Variants in ANKRD45 observed in about 807,000 individuals in gnomAD.
ANKRD45 encodes ankyrin repeat domain 45.
In ANKRD45, 21 loss-of-function variants were observed where a neutral mutation model predicts 28.1. That is an observed-to-expected ratio of 0.75 (90% CI 0.53 to 1.08). ANKRD45 has a LOEUF of 1.08. Ranked by LOEUF, ANKRD45 falls within the 50% of genes least tolerant of loss-of-function variation. The probability of loss-of-function intolerance (pLI) is 0.00; values close to 1 mark genes in which losing one functional copy is unlikely to be tolerated. For synonymous variants in ANKRD45, 86 were observed against 103.9 expected, an observed-to-expected ratio of 0.83 and a Z score of 1.05; for missense variants, 261 against 308.7, an observed-to-expected ratio of 0.85 and a Z score of 1.16.
At chr1:173,659,546 T>C in intron 1 of ANKRD45, 113 bp from the exon 2 acceptor site, 1 of 940,960 alleles carries the variant, frequency 1.1e-6, no homozygotes, top group African/African-American at 1.7e-5. Context: ...ACTTAACTAT[T>C]TGAAAATAAC....
At chr1:173,635,324 A>T (rs969371568) in intron 3 of ANKRD45, 7 of 544,162 alleles carry the variant, frequency 1.3e-5, no homozygotes, top group African/African-American at 1.1e-4. Context: ...TCATCACTGT[A>T]TCCTTTGCTG....
rs116786886 is a variant in ANKRD45 at position 173,634,868 on chromosome 1, T to C, written c.497-7709A>G. ...TCACCCCTCACCCACTACCTGATAG[T>C]ACCACATCACCACCACAGGAATATA... On this transcript the variant is annotated intron_variant, in intron 3 of 5. Transcript: ENST00000333279. Among the ~76,000 whole-genome samples, 1,087 of 152,058 alleles carry C rather than the reference T, an allele frequency of 7.1e-3. 11 individuals carry two copies. Among genetic ancestry groups the C allele is most frequent in the African/African-American group, 0.023 (969 of 41,548 alleles).
At chr1:173,694,700 C>T in the ANKRD45 span, among the ~76,000 whole-genome samples, 5 of 151,938 alleles carry the variant, frequency 3.3e-5, no homozygotes, top group African/African-American at 1.2e-4. Flanking sequence ...AGTTTTGCAT[C>T]CCTCACCTCC....
At chr1:173,671,864 A>G (rs1386111076), upstream of ANKRD45, among the ~76,000 whole-genome samples, 1 of 151,334 alleles carries the variant, frequency 6.6e-6, no homozygotes, top group East Asian at 1.9e-4. Context: ...CATGGGTGAC[A>G]GAGCAAGACT....
At chr1:173,681,341 C>T in the ANKRD45 span, among the ~76,000 whole-genome samples, 1 of 152,114 alleles carries the variant, frequency 6.6e-6, no homozygotes, top group Non-Finnish European at 1.5e-5. Flanking sequence ...TCTAATATTA[C>T]TTTATGAATA....
intron 3 of ANKRD45, chr1:173,635,708 T>C (rs1668403294): frequency 6.5e-7 from 1 of 1,535,616 alleles, no homozygotes; most frequent in Non-Finnish European, 8.7e-7. Flanking sequence ...GGATAAACTA[T>C]GCTGCGACTT....
the ANKRD45 span, among the ~76,000 whole-genome samples, chr1:173,679,419 C>G: frequency 2.0e-5 from 3 of 152,176 alleles, no homozygotes; most frequent in South Asian, 4.1e-4. Context: ...TGATCTTTGA[C>G]AAACCTGACA....
At position 173,646,901 on chromosome 1, in the gene ANKRD45, T is replaced by C; in HGVS notation, c.441A>G (p.Arg147=). 1.9e-6 allele frequency: 3 copies of C among 1,614,168 alleles called. No individual in the cohort carries two copies. In the South Asian group the frequency reaches 3.3e-5, roughly 18 times the overall value. Residue 147 remains arginine (R), a synonymous_variant, in exon 3 of 6, where the codon CGA becomes CGG. Coordinates refer to ENST00000333279, the MANE Select transcript of ANKRD45 (RefSeq NM_198493.3). Reference sequence around the variant, plus strand: ...TCTGAGAATATCTAGCAGCAACATCTCGAGCCCTTTCTTCCCGGAAGTTCA... The same window carrying C: ...TCTGAGAATATCTAGCAGCAACATCCCGAGCCCTTTCTTCCCGGAAGTTCA... ...EALNFREERA[R]DVAARYSQTE... is the part of the protein sequence containing the mutation.
chr1:173,707,339 C>CT, the ANKRD45 span, among the ~76,000 whole-genome samples: 97 of 142,730 alleles, frequency 6.8e-4, no homozygotes, highest in Middle Eastern at 7.4e-3. Context: ...AGTGTTTCTC[C>CT]TTTTTTTTTT....
Position 173,608,547 on chromosome 1 carries a change from G to A in ANKRD45, c.*1598C>T, listed in dbSNP as rs1328928625. ...TTGGCCAGGCTTGTCTCAAACCGCT[G>A]ACCTCAGGTGATCCGCCTGCCTTGG... On this transcript the variant is annotated 3_prime_UTR_variant, in exon 6 of 6. Coordinates refer to ENST00000333279, the MANE Select transcript of ANKRD45 (RefSeq NM_198493.3). 6.6e-6 allele frequency among the ~76,000 whole-genome samples: 1 copy of A among 151,858 alleles called. No individual in the cohort carries two copies. The highest frequency in any genetic ancestry group is 1.5e-5 in the Non-Finnish European group (1 of 68,000).
the ANKRD45 span, among the ~76,000 whole-genome samples, chr1:173,699,313 C>G: frequency 6.6e-6 from 1 of 152,202 alleles, no homozygotes; most frequent in African/African-American, 2.4e-5. Flanking sequence ...TCCTCCCTAA[C>G]TCATTTTATG....
the ANKRD45 span, among the ~76,000 whole-genome samples, chr1:173,699,492 A>T: frequency 1.3e-5 from 2 of 152,124 alleles, no homozygotes; most frequent in Non-Finnish European, 2.9e-5. Context: ...GTTGGCTTCA[A>T]CCCTGGGATG....
At chr1:173,641,054 C>G in intron 3 of ANKRD45, among the ~76,000 whole-genome samples, 1 of 152,166 alleles carries the variant, frequency 6.6e-6, no homozygotes, top group Non-Finnish European at 1.5e-5. Context: ...ATTCCCCAGT[C>G]TTCCCCTTCT....
chr1:173,705,442 T>G, the ANKRD45 span, among the ~76,000 whole-genome samples: 2 of 151,454 alleles, frequency 1.3e-5, no homozygotes, highest in Non-Finnish European at 2.9e-5. Flanking sequence ...GCAGGTGGAT[T>G]GCTTGAGCTC....
intron 2 of ANKRD45, among the ~76,000 whole-genome samples, chr1:173,647,277 A>G (rs1382579978): frequency 6.6e-6 from 1 of 152,242 alleles, no homozygotes; most frequent in East Asian, 1.9e-4. Flanking sequence ...CCTGGCAAAC[A>G]GTAAATGATG....
intron 3 of ANKRD45, among the ~76,000 whole-genome samples, chr1:173,633,654 T>C (rs1035932181): frequency 1.3e-5 from 2 of 151,954 alleles, no homozygotes; most frequent in African/African-American, 2.4e-5. Context: ...AATAGACACA[T>C]AGACCAATGG....
At chr1:173,696,642 T>C in the ANKRD45 span, among the ~76,000 whole-genome samples, 4 of 152,310 alleles carry the variant, frequency 2.6e-5, no homozygotes, top group South Asian at 8.3e-4. Context: ...GGGTCTGTTT[T>C]TGACCAATAC....
chr1:173,685,942 T>G, the ANKRD45 span, among the ~76,000 whole-genome samples: 5 of 152,122 alleles, frequency 3.3e-5, no homozygotes, highest in African/African-American at 9.7e-5. Context: ...AATGTATGGT[T>G]TTAGGAAATT....
intron 2 of ANKRD45, among the ~76,000 whole-genome samples, chr1:173,655,805 C>A (rs970558333): frequency 6.6e-6 from 1 of 152,214 alleles, no homozygotes; most frequent in Non-Finnish European, 1.5e-5. Context: ...CAAGCCTCAG[C>A]AATGGCAGAT....
Sources: gnomAD v4.1 joint callset for allele counts (sites outside exome capture counted in the v4.1 genomes callset) on GRCh38, gnomAD v4.1.1 for gene constraint, MANE v1.5 for transcripts, NCBI Gene and HGNC (gene_info 2026-07-23, HGNC 2026-07-21) for gene names.